GCSAML: variants seen among roughly 807,000 people sequenced by gnomAD.
The protein encoded by GCSAML is germinal center-associated signaling and motility-like protein.
GCSAML carries 9 observed loss-of-function variants against 13.0 expected under a neutral mutation model. The observed-to-expected ratio is 0.69, with a 90% CI of 0.42 to 1.21. The LOEUF (loss-of-function observed/expected upper bound fraction) is 1.21, where lower values mean the gene tolerates loss of function less well. Ranked by LOEUF, GCSAML falls within the 50% of genes most tolerant of loss-of-function variation. The pLI is 0.00. For synonymous variants in GCSAML, 37 were observed against 52.9 expected (o/e 0.70, Z 1.31); for missense variants, 143 against 153.4 (o/e 0.93, Z 0.36).
At chr1:247,512,142 C>T (rs1208501222) in intron 1 of GCSAML, among the ~76,000 whole-genome samples, 2 of 152,126 alleles carry the variant, frequency 1.3e-5, no homozygotes, top group Non-Finnish European at 2.9e-5. Flanking sequence ...TTCAGGTATA[C>T]CAATCAAATG....
intron 2 of GCSAML, among the ~76,000 whole-genome samples, chr1:247,534,772 A>G (rs1024187810): frequency 2.6e-5 from 4 of 152,214 alleles, no homozygotes; most frequent in African/African-American, 7.2e-5. Context: ...CAATTAAACA[A>G]AATAGACATG....
chr1:247,523,997 TACACACAC>T (rs34257635), intron 1 of GCSAML, among the ~76,000 whole-genome samples: 19 of 147,742 alleles, frequency 1.3e-4, no homozygotes, highest in African/African-American at 2.0e-4. Flanking sequence ...ACATCTGTCT[TACACACAC>T]ACACACACAC....
At chr1:247,532,785 G>C (rs1382323017) in intron 2 of GCSAML, among the ~76,000 whole-genome samples, 1 of 151,856 alleles carries the variant, frequency 6.6e-6, no homozygotes, top group African/African-American at 2.4e-5. Context: ...TATACCCATT[G>C]TTTTCAAAAG....
intron 2 of GCSAML, among the ~76,000 whole-genome samples, chr1:247,557,748 G>T (rs983811103): frequency 6.6e-6 from 1 of 152,048 alleles, no homozygotes; most frequent in Admixed American, 6.6e-5. Flanking sequence ...ACGCTCCCCC[G>T]ACTCCCCCCA....
At chr1:247,553,056 T>G (rs1667833582) in intron 1 of GCSAML, among the ~76,000 whole-genome samples, 1 of 152,204 alleles carries the variant, frequency 6.6e-6, no homozygotes, top group Admixed American at 6.5e-5. Context: ...GCCTGGTCTA[T>G]GCAGATATAC....
At chr1:247,549,123 G>T, upstream of GCSAML, 3 of 1,613,954 alleles carry the variant, frequency 1.9e-6, no homozygotes, top group East Asian at 4.5e-5. Context: ...TTTCCTCTTG[G>T]TGCTTTGGTC....
intron 4 of GCSAML, among the ~76,000 whole-genome samples, chr1:247,569,263 A>T (rs1388104655): frequency 6.6e-6 from 1 of 152,166 alleles, no homozygotes; most frequent in Admixed American, 6.5e-5. Context: ...GTGGAGAGAG[A>T]GGGCATACTT....
At chr1:247,565,112 C>T (rs1412125930) in intron 3 of GCSAML, among the ~76,000 whole-genome samples, 1 of 152,146 alleles carries the variant, frequency 6.6e-6, no homozygotes, top group Non-Finnish European at 1.5e-5. Context: ...GTAATCCCAG[C>T]ACTTTGGGAG....
intron 2 of GCSAML, among the ~76,000 whole-genome samples, chr1:247,537,685 T>C (rs892537711): frequency 6.6e-6 from 1 of 152,190 alleles, no homozygotes; most frequent in African/African-American, 2.4e-5. Context: ...TTTTCCTTTA[T>C]GGCCATCGTA....
intron 2 of GCSAML, among the ~76,000 whole-genome samples, chr1:247,540,484 G>A (rs908492580): frequency 1.3e-5 from 2 of 152,216 alleles, no homozygotes; most frequent in Non-Finnish European, 2.9e-5. Context: ...TGTTCAGCAC[G>A]TATTGAAGCA....
upstream of GCSAML, among the ~76,000 whole-genome samples, chr1:247,547,604 C>T (rs1380940525): frequency 6.6e-6 from 1 of 152,102 alleles, no homozygotes; most frequent in African/African-American, 2.4e-5. Context: ...AGGAATCCAC[C>T]CCTGAGAGTT....
chr1:247,553,658 A>G (rs28623493), intron 1 of GCSAML, among the ~76,000 whole-genome samples: 4,271 of 152,254 alleles, frequency 0.028, 207 homozygotes, highest in African/African-American at 0.096. Context: ...GGCTATTCAC[A>G]GATGCAATCA....
chr1:247,573,497 G>A (rs1314450027), intron 4 of GCSAML, among the ~76,000 whole-genome samples: 2 of 152,122 alleles, frequency 1.3e-5, no homozygotes, highest in African/African-American at 4.8e-5. Flanking sequence ...CCCTGCTTCT[G>A]TTCACCCTCT....
At chr1:247,556,979 C>G (rs905573081) in intron 2 of GCSAML, among the ~76,000 whole-genome samples, 1 of 152,162 alleles carries the variant, frequency 6.6e-6, no homozygotes, top group Non-Finnish European at 1.5e-5. Flanking sequence ...ATGCATTCTC[C>G]TTTTATTTGA....
chr1:247,566,058 A>G, intron 4 of GCSAML, 99 bp downstream of exon 4: 1 of 749,232 alleles, frequency 1.3e-6, no homozygotes, highest in South Asian at 2.1e-5. Context: ...CAAGAGTAGC[A>G]TCTGTCTTCC....
intron 2 of GCSAML, among the ~76,000 whole-genome samples, chr1:247,537,627 C>T (rs1230007376): frequency 6.6e-6 from 1 of 152,196 alleles, no homozygotes; most frequent in Non-Finnish European, 1.5e-5. Context: ...CCAGTTTCTC[C>T]ACATAATCAC....
At chr1:247,525,448 C>T (rs1026306621) in intron 1 of GCSAML, 1 of 152,232 alleles carries the variant, frequency 6.6e-6, no homozygotes, top group African/African-American at 2.4e-5. Flanking sequence ...CAGCCCCCTT[C>T]TTGGGTTCAA....
At chr1:247,524,372 C>T (rs1417077402) in intron 1 of GCSAML, among the ~76,000 whole-genome samples, 1 of 152,186 alleles carries the variant, frequency 6.6e-6, no homozygotes, top group East Asian at 1.9e-4. Flanking sequence ...GCCCTCCATA[C>T]CCATGCTGTG....
At chr1:247,563,034 G>C (rs1046185899) in intron 2 of GCSAML, among the ~76,000 whole-genome samples, 3 of 142,500 alleles carry the variant, frequency 2.1e-5, no homozygotes, top group African/African-American at 7.8e-5. Flanking sequence ...TATTTTAGTA[G>C]AGACGGGGTC....
Sources: gnomAD v4.1 joint callset for allele counts (sites outside exome capture counted in the v4.1 genomes callset) on GRCh38, gnomAD v4.1.1 for gene constraint, MANE v1.5 for transcripts, NCBI Gene and HGNC (gene_info 2026-07-23, HGNC 2026-07-21) for gene names.